Variants in WT1 observed in about 807,000 individuals in gnomAD.
WT1 encodes the protein WT1 transcription factor, also known as Wilms tumor protein.
WT1 carries 8 observed loss-of-function variants against 60.8 expected under a neutral mutation model. The ratio of observed to expected loss-of-function variants is 0.13; its 90% CI spans 0.08 to 0.24. The LOEUF (loss-of-function observed/expected upper bound fraction) is 0.24, where lower values mean the gene tolerates loss of function less well. WT1 is among the 10% of genes least tolerant of loss of function. WT1 has a pLI of 1.00. For synonymous variants in WT1, 312 were observed against 297.1 expected (o/e 1.05, Z -0.52); for missense variants, 568 against 711.8 (o/e 0.80, Z 2.30).
chr11:32,433,268 GTGGAGGCAACCC>G (rs1853369926), intron 1 of WT1, among the ~76,000 whole-genome samples: 1 of 152,240 alleles, frequency 6.6e-6, no homozygotes. Context: ...AAAGCATAGA[GTGGAGGCAACCC>G]TTGGGTCTGC....
rs1851967232 is a variant in WT1, at chr11:32,396,291, C to A, written c.1230G>T (p.Leu410=). The A allele has an allele frequency of 6.2e-7, 1 of 1,614,204 alleles. No individual in the cohort carries two copies. The highest frequency in any genetic ancestry group is 1.7e-5 in the Admixed American group (1 of 60,012). ...TCCTGCTGTGCATCTGTAAGTGGGA[C>A]AGCTTAAAATATCTCTTATTGCAGC... Residue 410 remains leucine, a synonymous_variant, in exon 7 of 10, where the codon CTG becomes CTT. Transcript: ENST00000452863.
chr11:32,424,816 T>C (rs952726420), intron 3 of WT1, among the ~76,000 whole-genome samples: 2 of 152,146 alleles, frequency 1.3e-5, no homozygotes, highest in African/African-American at 4.8e-5. Flanking sequence ...CCACACTGTA[T>C]TTTGCTTATT....
Position 32,388,540 on chromosome 11 carries a change from A to G in WT1, c.*518T>C, listed in dbSNP as rs1209938024. On this transcript the variant is annotated 3_prime_UTR_variant, in exon 10 of 10. Coordinates refer to ENST00000452863, the MANE Select transcript of WT1 (RefSeq NM_024426.6). The stretch of plus-strand genomic sequence containing the variant: ...GCTTTCCAGGTTAGCAGCCTGGCTG[A>G]CCTCGGGAATGTTAGACAAGATTCA... The G allele has an allele frequency of 4.1e-6, 1 of 243,084 alleles. No homozygotes were observed. The highest frequency in any genetic ancestry group is 5.7e-5 in the East Asian group (1 of 17,440). 15.1% of individuals were successfully genotyped at this position (243,084 alleles called of 1,614,324 possible).
chr11:32,409,676 G>T (rs1323402685), intron 5 of WT1, among the ~76,000 whole-genome samples: 2 of 151,884 alleles, frequency 1.3e-5, no homozygotes, highest in Non-Finnish European at 2.9e-5. Context: ...TATTGACCAG[G>T]CTGGTCTTGA....
chr11:32,398,014 G>T (rs1564974148), intron 6 of WT1, among the ~76,000 whole-genome samples: 1 of 152,180 alleles, frequency 6.6e-6, no homozygotes, highest in African/African-American at 2.4e-5. Flanking sequence ...GTGCACATGG[G>T]AACAGGAGTT....
chr11:32,434,986 G>A lies in WT1; in HGVS notation c.375C>T (p.Gly125=), dbSNP rs776209354. 388 of 1,511,956 alleles carry A rather than the reference G, an allele frequency of 2.6e-4. 1 individual carries two copies. The highest frequency in any genetic ancestry group is 2.8e-4 in the Non-Finnish European group (320 of 1,137,724). The allele number at this position is 1,511,956 out of a possible 1,614,324, so 93.7% of individuals were successfully genotyped here. Residue 125 remains glycine, a synonymous_variant, in exon 1 of 10, where the codon GGC becomes GGT. Coordinates refer to ENST00000452863, the MANE Select transcript of WT1 (RefSeq NM_024426.6). ...GCGGAGCCGGTGGCGGCGCGGGGCC[G>A]CCCAACGACCCGTAAGCCGAAGCGC...
Position 32,435,031 on chromosome 11 carries a change from C to A in WT1, c.330G>T (p.Val110=). 1 of 1,464,716 alleles carries A rather than the reference C, an allele frequency of 6.8e-7. No homozygotes were observed. The highest frequency in any genetic ancestry group is 1.4e-5 in the South Asian group (1 of 73,526). 90.7% of individuals were successfully genotyped at this position (1,464,716 alleles called of 1,614,324 possible). A position where few individuals can be genotyped will look rare whatever the true frequency, so the allele number is the denominator to read the frequency against. ...AAGCGCCCGGGGGCGCAAAGTCCAG[C>A]ACCGGCGCCCACTGCGCCGCGCCGC... The change falls in exon 1 of 10, where the codon GTG becomes GTT. Residue 110 remains valine, a synonymous_variant. Transcript: ENST00000452863.
At chr11:32,430,429 A>C in intron 1 of WT1, 5 of 1,372,132 alleles carry the variant, frequency 3.6e-6, no homozygotes, top group Non-Finnish European at 4.9e-6. Context: ...AGAGAGACAG[A>C]CACAGAGAGA....
intron 7 of WT1, 57 bp downstream of exon 7, chr11:32,396,200 C>G (rs895172273): frequency 5.0e-6 from 8 of 1,612,024 alleles, no homozygotes; most frequent in Non-Finnish European, 6.8e-6. Flanking sequence ...GTGTGAGAGC[C>G]TGGAAAAGGA....
chr11:32,389,968 C>T (rs976233570), intron 9 of WT1, among the ~76,000 whole-genome samples: 1 of 152,186 alleles, frequency 6.6e-6, no homozygotes, highest in Admixed American at 6.5e-5. Flanking sequence ...CACGCACACA[C>T]ACAACCTCAT....
intron 1 of WT1, among the ~76,000 whole-genome samples, chr11:32,434,220 A>C (rs1341290533): frequency 1.3e-5 from 2 of 152,328 alleles, no homozygotes; most frequent in Admixed American, 6.5e-5. Context: ...GCTCCTGGAC[A>C]TTTTAGCGCT....
chr11:32,403,769 G>T (rs1293408045), intron 5 of WT1, among the ~76,000 whole-genome samples: 1 of 151,704 alleles, frequency 6.6e-6, no homozygotes, highest in Non-Finnish European at 1.5e-5. Context: ...TAGAGACGGG[G>T]TTTCAACGTG....
At chr11:32,424,291 T>C (rs535213477) in intron 3 of WT1, among the ~76,000 whole-genome samples, 1 of 151,882 alleles carries the variant, frequency 6.6e-6, no homozygotes, top group South Asian at 2.1e-4. Context: ...AGACTAAGGA[T>C]CAAATCCTGA....
chr11:32,434,632 G>T (rs1853426451), intron 1 of WT1, 68 bp downstream of exon 1: 3 of 1,608,448 alleles, frequency 1.9e-6, no homozygotes, highest in African/African-American at 2.7e-5. Context: ...GGAGAGGGGG[G>T]TGTCCTAGAG....
At chr11:32,414,872 CA>C (rs551997180) in intron 5 of WT1, among the ~76,000 whole-genome samples, 1,797 of 88,680 alleles carry the variant, frequency 0.02, 18 homozygotes, top group African/African-American at 0.05. Context: ...GACTCCATAT[CA>C]AAAAAAAAAA....
intron 3 of WT1, among the ~76,000 whole-genome samples, chr11:32,425,007 G>T (rs1022653792): frequency 6.6e-6 from 1 of 151,880 alleles, no homozygotes; most frequent in African/African-American, 2.4e-5. Context: ...GTGAAACCCC[G>T]TCTCTACTAA....
rs371814667 is a variant in WT1, at chr11:32,417,670, C to G, written c.888-16G>C. On this transcript the variant is annotated splice_polypyrimidine_tract_variant and intron_variant, in intron 3 of 9. Coordinates refer to ENST00000452863, the MANE Select transcript of WT1 (RefSeq NM_024426.6). ...TAAATTGTCACTGTTAGAAAAACAT[C>G]TAGAGTTAGAAACACATAACCACAA... 33 of 1,606,982 alleles carry G rather than the reference C, an allele frequency of 2.1e-5. No homozygotes were observed. The highest frequency in any genetic ancestry group is 2.8e-5 in the Non-Finnish European group (33 of 1,173,968).
At chr11:32,417,409 C>T in intron 4 of WT1, 168 bp downstream of exon 4, 3 of 646,022 alleles carry the variant, frequency 4.6e-6, no homozygotes, top group South Asian at 3.8e-5. Context: ...AAATTTAATA[C>T]TGAACACAAC....
intron 5 of WT1, among the ~76,000 whole-genome samples, chr11:32,407,939 G>A (rs1447361058): frequency 6.6e-6 from 1 of 152,076 alleles, no homozygotes; most frequent in Non-Finnish European, 1.5e-5. Flanking sequence ...AAATACAGGG[G>A]AGGCCAGGCG....
Sources: gnomAD v4.1 joint callset for allele counts (sites outside exome capture counted in the v4.1 genomes callset) on GRCh38, gnomAD v4.1.1 for gene constraint, MANE v1.5 for transcripts, NCBI Gene and HGNC (gene_info 2026-07-23, HGNC 2026-07-21) for gene names.